The following NDUFA10 variants were observed in gnomAD, a reference collection of about 807,000 sequenced individuals.
The protein encoded by NDUFA10 is NADH:ubiquinone oxidoreductase subunit A10.
Under a neutral mutation model 47.8 loss-of-function variants are expected in NDUFA10, and 40 were observed. The observed-to-expected ratio is 0.84, with a 90% CI of 0.65 to 1.09. The LOEUF (loss-of-function observed/expected upper bound fraction) is 1.09, where lower values mean the gene tolerates loss of function less well. Among genes scored for constraint, NDUFA10 ranks in the 50% least tolerant of loss-of-function variants. The pLI is 0.00. For missense variants in NDUFA10, 413 were observed against 451.1 expected (o/e 0.92, Z 0.76); for synonymous variants, 183 against 172.2 (o/e 1.06, Z -0.49).
intron 5 of NDUFA10, chr2:240,014,040 T>A (rs1012523239): frequency 2.6e-5 from 4 of 151,902 alleles, no homozygotes; most frequent in Admixed American, 2.6e-4. Context: ...GCCGAGATCG[T>A]GCCACTGCAC....
intron 9 of NDUFA10, among the ~76,000 whole-genome samples, chr2:239,975,435 A>C (rs1695481077): frequency 6.6e-6 from 1 of 152,258 alleles, no homozygotes; most frequent in Non-Finnish European, 1.5e-5. Flanking sequence ...GCCCTGCAAG[A>C]AGCAGGGAAA....
At chr2:239,908,398 A>T (rs901595201) in intron 4 of NDUFA10, among the ~76,000 whole-genome samples, 8 of 152,188 alleles carry the variant, frequency 5.3e-5, no homozygotes, top group Non-Finnish European at 1.0e-4. Flanking sequence ...AAGCATAATT[A>T]AAAAAACAAA....
intron 4 of NDUFA10, among the ~76,000 whole-genome samples, chr2:239,933,810 C>T (rs1319850155): frequency 6.6e-6 from 1 of 151,918 alleles, no homozygotes; most frequent in Non-Finnish European, 1.5e-5. Flanking sequence ...ATCAAGGTAA[C>T]ACCATTCCAT....
At position 239,961,140 on chromosome 2, in the gene NDUFA10, T is replaced by C; in HGVS notation, c.1046A>G (p.Asp349Gly). The C allele has an allele frequency of 6.2e-7, 1 of 1,614,164 alleles. No individual in the cohort carries two copies. Among genetic ancestry groups the C allele is most frequent in the Non-Finnish European group, 8.5e-7 (1 of 1,180,026 alleles). ...YSPGYNTEVGDKWIWLK is the reference protein window; with the variant it reads ...YSPGYNTEVGGKWIWLK Reference sequence around the variant, plus strand: ...CGTTCACTTCAGCCAGATCCACTTGTCTCCCACCTCGGTGTTGTACCCAGG... The same window carrying C: ...CGTTCACTTCAGCCAGATCCACTTGCCTCCCACCTCGGTGTTGTACCCAGG... The change falls in exon 10 of 10, where the codon GAC (aspartate) becomes GGC (glycine). Residue 349 changes from aspartate to glycine, a missense_variant. Coordinates refer to ENST00000252711, the MANE Select transcript of NDUFA10 (RefSeq NM_004544.4).
chr2:239,903,543 C>CGTGA (rs1181847149), intron 4 of NDUFA10, among the ~76,000 whole-genome samples: 1 of 152,152 alleles, frequency 6.6e-6, no homozygotes, highest in African/African-American at 2.4e-5. Context: ...AGACATAAGG[C>CGTGA]GTGAGCATGC....
At chr2:239,984,555 C>A (rs1193709835) in intron 9 of NDUFA10, among the ~76,000 whole-genome samples, 1 of 152,200 alleles carries the variant, frequency 6.6e-6, no homozygotes, top group African/African-American at 2.4e-5. Flanking sequence ...TGCTCACAAA[C>A]TGAAAAGCAG....
At chr2:239,998,606 G>A (rs1453349386) in intron 8 of NDUFA10, among the ~76,000 whole-genome samples, 1 of 152,166 alleles carries the variant, frequency 6.6e-6, no homozygotes. Flanking sequence ...CCCTACCAGG[G>A]TACGATGGGA....
chr2:240,011,856 C>G, intron 5 of NDUFA10, 160 bp from the exon 6 acceptor site: 1 of 684,288 alleles, frequency 1.5e-6, no homozygotes, highest in South Asian at 1.6e-5. Context: ...GTCCCAACAT[C>G]AGCTAGAGTC....
In NDUFA10 at chr2:239,959,425, T is replaced by G. The variant is rs1203937951; in HGVS notation, c.*1693A>C. 1 of 985,366 alleles carries G rather than the reference T, an allele frequency of 1.0e-6. No homozygotes were observed. The highest frequency in any genetic ancestry group is 1.7e-5 in the African/African-American group (1 of 57,260). The allele number at this position is 985,366 out of a possible 1,614,324, so 61.0% of individuals were successfully genotyped here. ...AGATAATTAAAGATGGCTTTCTTTT[T>G]CTTTCCTCCCCTCCACAATGGGTTT... On this transcript the variant is annotated 3_prime_UTR_variant, in exon 10 of 10. Transcript: ENST00000252711.
At chr2:239,952,949 G>A (rs892434827), downstream of NDUFA10, among the ~76,000 whole-genome samples, 1 of 152,238 alleles carries the variant, frequency 6.6e-6, no homozygotes, top group South Asian at 2.1e-4. Context: ...CAGCCACGTG[G>A]GAGGTAAGAA....
intron 9 of NDUFA10, chr2:239,983,546 G>A (rs751701599): frequency 6.2e-7 from 1 of 1,602,286 alleles, no homozygotes; most frequent in East Asian, 2.2e-5. Context: ...GCTGTGGTGT[G>A]CATGGGGCTT....
At chr2:240,006,414 G>A (rs1353686912) in intron 7 of NDUFA10, among the ~76,000 whole-genome samples, 2 of 152,154 alleles carry the variant, frequency 1.3e-5, no homozygotes, top group African/African-American at 4.8e-5. Flanking sequence ...GAAAAGCTCA[G>A]TCAACCTCCC....
In NDUFA10 at chr2:240,018,445, CATCT is replaced by C. The variant is rs920989752; in HGVS notation, c.547+104_547+107del. ...GACCGATTAAGTAATGGCATTTATT[CATCT>C]ATCTAACAGACATTCATAAACACAG... On this transcript the variant is annotated intron_variant, in intron 4 of 9. Transcript: ENST00000252711. 2.5e-6 allele frequency: 4 copies of C among 1,597,940 alleles called. No individual in the cohort carries two copies. In the African/African-American group the frequency reaches 5.4e-5, roughly 21 times the overall value.
At position 239,899,053 on chromosome 2, in the gene NDUFA10, G is replaced by GGGGTGT. The variant is rs1381720053; in HGVS notation, c.295-3740_295-3739insACACCC. 5.7e-5 allele frequency among the ~76,000 whole-genome samples: 3 copies of GGGGTGT among 52,804 alleles called. 1 individual carries two copies. Among genetic ancestry groups the GGGGTGT allele is most frequent in the Non-Finnish European group, 1.4e-4 (3 of 21,392 alleles). The allele number at this position is 52,804 out of a possible 152,430, so 34.6% of individuals were successfully genotyped here. On this transcript the variant is annotated intron_variant, in intron 4 of 5. Transcript: ENST00000419408. ...GGGTGTAAAGGAGGGGTGTGATGGAGGAGTGTGATGGAGGGGTGTGATGGA... is the reference window on the plus strand; with the variant it reads ...GGGTGTAAAGGAGGGGTGTGATGGAGGGGTGTGAGTGTGATGGAGGGGTGTGATGGA...
intron 4 of NDUFA10, among the ~76,000 whole-genome samples, chr2:239,935,840 C>T (rs540424683): frequency 2.6e-5 from 4 of 152,304 alleles, no homozygotes; most frequent in African/African-American, 9.6e-5. Context: ...TGAGGCCTCC[C>T]CAGCCACATG....
chr2:239,992,269 A>G (rs902812912), intron 8 of NDUFA10, among the ~76,000 whole-genome samples: 1 of 152,246 alleles, frequency 6.6e-6, no homozygotes, highest in Non-Finnish European at 1.5e-5. Flanking sequence ...GTCACTGTCT[A>G]AAGAAGAATA....
At chr2:239,938,233 G>A (rs13405880) in intron 4 of NDUFA10, among the ~76,000 whole-genome samples, 15,257 of 152,154 alleles carry the variant, frequency 0.1, 825 homozygotes, top group Admixed American at 0.13. Context: ...TCACAGCACC[G>A]TGATATGGAA....
At chr2:239,961,854 G>C (rs1003101989) in intron 9 of NDUFA10, among the ~76,000 whole-genome samples, 1 of 152,208 alleles carries the variant, frequency 6.6e-6, no homozygotes, top group Admixed American at 6.5e-5. Flanking sequence ...GGCCAGTGGG[G>C]GGCTGAGCTT....
intron 7 of NDUFA10, 94 bp from the exon 8 acceptor site, chr2:240,005,389 T>C: frequency 2.0e-6 from 2 of 1,024,262 alleles, no homozygotes; most frequent in Non-Finnish European, 3.0e-6. Context: ...GGCTCTATCA[T>C]CCAGGCTGGA....
Sources: allele counts gnomAD v4.1 joint callset (sites outside exome capture counted in the v4.1 genomes callset), GRCh38; gene constraint gnomAD v4.1.1; transcripts MANE v1.5; gene names NCBI Gene and HGNC (gene_info 2026-07-23, HGNC 2026-07-21).